STXBP4: variants seen among roughly 807,000 people sequenced by gnomAD.
STXBP4 encodes syntaxin-binding protein 4.
In STXBP4, 55 loss-of-function variants were observed where a neutral mutation model predicts 76.1. The observed-to-expected ratio is 0.72, with a 90% CI of 0.58 to 0.91. The LOEUF is 0.91. STXBP4 is among the 40% of genes least tolerant of loss of function. The pLI is 0.00. For missense variants in STXBP4, 618 were observed against 636.9 expected (o/e 0.97, Z 0.32); for synonymous variants, 201 against 220.2 (o/e 0.91, Z 0.77).
chr17:54,986,300 G>C (rs2077625715), intron 3 of STXBP4, 34 bp downstream of exon 3: 1 of 1,469,350 alleles, frequency 6.8e-7, no homozygotes, highest in Non-Finnish European at 9.4e-7. Context: ...TTGAAATATA[G>C]TTTGAAATAT....
chr17:54,978,988 T>A (rs1225676298), intron 1 of STXBP4, among the ~76,000 whole-genome samples: 1 of 152,196 alleles, frequency 6.6e-6, no homozygotes, highest in Non-Finnish European at 1.5e-5. Context: ...TTTTTACATA[T>A]TTTTGAGGTT....
intron 16 of STXBP4, among the ~76,000 whole-genome samples, chr17:55,125,352 G>A (rs923893547): frequency 6.6e-6 from 1 of 152,052 alleles, no homozygotes; most frequent in Admixed American, 6.5e-5. Flanking sequence ...GACAATTAGA[G>A]GATTTCTAAA....
chr17:55,080,489 A>T (rs1279148631), intron 15 of STXBP4, among the ~76,000 whole-genome samples: 1 of 152,076 alleles, frequency 6.6e-6, no homozygotes, highest in African/African-American at 2.4e-5. Flanking sequence ...TGAAGAAAAC[A>T]TTTAATTTTT....
At chr17:55,102,239 C>A (rs1345914746) in intron 16 of STXBP4, among the ~76,000 whole-genome samples, 1 of 151,890 alleles carries the variant, frequency 6.6e-6, no homozygotes, top group Non-Finnish European at 1.5e-5. Flanking sequence ...AACCCGTTAT[C>A]TACATTAGGT....
chr17:55,064,963 T>C (rs917169416), intron 12 of STXBP4, among the ~76,000 whole-genome samples: 4 of 152,226 alleles, frequency 2.6e-5, no homozygotes, highest in Non-Finnish European at 4.4e-5. Context: ...TTGTTAGATA[T>C]ATGGTATGAG....
chr17:55,049,865 A>G (rs1255166677), intron 12 of STXBP4, among the ~76,000 whole-genome samples: 5 of 152,124 alleles, frequency 3.3e-5, no homozygotes, highest in African/African-American at 4.8e-5. Context: ...GTAAGTTATC[A>G]AGAAACTATT....
intron 16 of STXBP4, among the ~76,000 whole-genome samples, chr17:55,140,379 G>A (rs1183031045): frequency 6.6e-6 from 1 of 152,140 alleles, no homozygotes; most frequent in East Asian, 1.9e-4. Flanking sequence ...CTTGGGGAAA[G>A]GAAGTCAATG....
At chr17:55,113,904 G>A (rs962009549) in intron 16 of STXBP4, among the ~76,000 whole-genome samples, 1 of 152,000 alleles carries the variant, frequency 6.6e-6, no homozygotes, top group Admixed American at 6.6e-5. Flanking sequence ...GATATTACCC[G>A]TGTTCAAATC....
At chr17:55,148,341 A>G (rs2080179218) in intron 17 of STXBP4, among the ~76,000 whole-genome samples, 1 of 152,248 alleles carries the variant, frequency 6.6e-6, no homozygotes, top group African/African-American at 2.4e-5. Flanking sequence ...AACACAAAAG[A>G]CAAGAATTTT....
chr17:55,197,723 A>G, the STXBP4 span, among the ~76,000 whole-genome samples: 2 of 151,464 alleles, frequency 1.3e-5, no homozygotes, highest in Non-Finnish European at 2.9e-5. Context: ...AGCCTGGGTG[A>G]CAGAGTGAGA....
chr17:55,194,318 T>A, the STXBP4 span, among the ~76,000 whole-genome samples: 1 of 152,140 alleles, frequency 6.6e-6, no homozygotes, highest in African/African-American at 2.4e-5. Context: ...ATTTTTAAAA[T>A]AGTAGGCATT....
chr17:55,069,570 T>C (rs1183496956), intron 12 of STXBP4, among the ~76,000 whole-genome samples: 1 of 152,208 alleles, frequency 6.6e-6, no homozygotes, highest in Non-Finnish European at 1.5e-5. Flanking sequence ...AAGTCATCAT[T>C]TCAATGCACT....
At chr17:54,996,630 C>A (rs1662505931) in intron 4 of STXBP4, among the ~76,000 whole-genome samples, 1 of 152,132 alleles carries the variant, frequency 6.6e-6, no homozygotes, top group Non-Finnish European at 1.5e-5. Flanking sequence ...TATCCCCATT[C>A]TACAGCTAAG....
chr17:55,197,375 A>T, the STXBP4 span, among the ~76,000 whole-genome samples: 14,760 of 152,300 alleles, frequency 0.097, 762 homozygotes, highest in Middle Eastern at 0.21. Context: ...ATTTCCCCAC[A>T]TTGGGAACCA....
rs1242969675 is a variant in STXBP4, at chr17:55,164,412, T to A, written c.*4501T>A. The A allele has an allele frequency of 6.7e-6, 1 of 150,374 alleles. No individual in the cohort carries two copies. The highest frequency in any genetic ancestry group is 2.4e-5 in the African/African-American group (1 of 41,042). The allele number at this position is 150,374 out of a possible 1,614,324, so 9.3% of individuals were successfully genotyped here. A position where few individuals can be genotyped will look rare whatever the true frequency, so the allele number is the denominator to read the frequency against. On this transcript the variant is annotated 3_prime_UTR_variant, in exon 18 of 18. Transcript: ENST00000376352. ...CCATTCCCCCATCACCCAATTATTC[T>A]CTATATCACTCTACCCTGTTTATTT...
At chr17:55,202,455 T>C in the STXBP4 span, among the ~76,000 whole-genome samples, 1 of 152,054 alleles carries the variant, frequency 6.6e-6, no homozygotes, top group Non-Finnish European at 1.5e-5. Context: ...TAAATGACAT[T>C]TAATTAAATG....
the STXBP4 span, among the ~76,000 whole-genome samples, chr17:55,197,286 G>A: frequency 1.3e-5 from 2 of 152,182 alleles, no homozygotes; most frequent in Admixed American, 1.3e-4. Flanking sequence ...GTGGACATAG[G>A]AAAATGCAAT....
chr17:55,043,814 T>G lies in STXBP4; in HGVS notation c.945+489T>G, dbSNP rs564186599. 6.5e-6 allele frequency: 4 copies of G among 611,982 alleles called. No individual in the cohort carries two copies. In the African/African-American group the frequency reaches 7.6e-5, roughly 12 times the overall value. 37.9% of individuals were successfully genotyped at this position (611,982 alleles called of 1,614,324 possible). A position where few individuals can be genotyped will look rare whatever the true frequency, so the allele number is the denominator to read the frequency against. On this transcript the variant is annotated intron_variant, in intron 11 of 17. Coordinates refer to ENST00000376352, the MANE Select transcript of STXBP4 (RefSeq NM_178509.6). ...CCCAAATATACTGTAACATTTTTCT[T>G]CTCTTTTTTTGTTTGTTTGGTTTTT...
the STXBP4 span, among the ~76,000 whole-genome samples, chr17:55,195,372 A>G: frequency 2.0e-5 from 3 of 152,204 alleles, no homozygotes; most frequent in East Asian, 1.9e-4. Context: ...TCCCTTTTAT[A>G]TAAGCCTTCG....
Sources: allele counts gnomAD v4.1 joint callset (sites outside exome capture counted in the v4.1 genomes callset), GRCh38; gene constraint gnomAD v4.1.1; transcripts MANE v1.5; gene names NCBI Gene and HGNC (gene_info 2026-07-23, HGNC 2026-07-21).